Variants in SAMHD1 observed in about 807,000 individuals in gnomAD.
SAMHD1 encodes SAM and HD domain containing deoxynucleoside triphosphate triphosphohydrolase 1.
Under a neutral mutation model 79.6 loss-of-function variants are expected in SAMHD1, and 54 were observed. The ratio of observed to expected loss-of-function variants is 0.68; its 90% CI spans 0.55 to 0.85. SAMHD1 has a LOEUF of 0.85. Ranked by LOEUF, SAMHD1 falls within the 40% of genes least tolerant of loss-of-function variation. SAMHD1 has a pLI of 0.00. For missense variants in SAMHD1, 663 were observed against 782.7 expected (o/e 0.85, Z 1.82); for synonymous variants, 260 against 264.1 (o/e 0.98, Z 0.15).
At chr20:36,894,152 G>GT in intron 15 of SAMHD1, 1 of 391,990 alleles carries the variant, frequency 2.6e-6, no homozygotes, top group Non-Finnish European at 4.5e-6. Flanking sequence ...CAAAACTTTT[G>GT]TATCTCACCC....
intron 2 of SAMHD1, among the ~76,000 whole-genome samples, chr20:36,943,645 A>G (rs966501408): frequency 6.6e-6 from 1 of 152,234 alleles, no homozygotes; most frequent in Non-Finnish European, 1.5e-5. Context: ...ACTTGGGTCC[A>G]CAAACATGCA....
At chr20:36,903,270 C>T (rs368650600) in intron 13 of SAMHD1, among the ~76,000 whole-genome samples, 2 of 152,048 alleles carry the variant, frequency 1.3e-5, no homozygotes, top group Admixed American at 6.6e-5. Flanking sequence ...AGTGCTGTCT[C>T]GCTCTGTTGC....
At chr20:36,903,588 T>C (rs2063388580) in intron 13 of SAMHD1, among the ~76,000 whole-genome samples, 1 of 141,478 alleles carries the variant, frequency 7.1e-6, no homozygotes, top group South Asian at 2.2e-4. Flanking sequence ...CTTACTCTGC[T>C]GCCCAGGCTG....
At chr20:36,905,080 G>T in intron 12 of SAMHD1, 1 of 403,472 alleles carries the variant, frequency 2.5e-6, no homozygotes, top group Admixed American at 3.8e-5. Context: ...CAAAATTGGA[G>T]ACCCACTCTC....
Position 36,911,340 on chromosome 20 carries a change from A to T in SAMHD1, c.1155-7T>A. Reference sequence around the variant, plus strand: ...GAGGAAAGCATCTGTAATCCTAAAAATCATTTTGCAAAAATTTATGTTTAT... The same window carrying T: ...GAGGAAAGCATCTGTAATCCTAAAATTCATTTTGCAAAAATTTATGTTTAT... On this transcript the variant is annotated splice_polypyrimidine_tract_variant and splice_region_variant and intron_variant, in intron 10 of 15. Transcript: ENST00000646673. 6.4e-7 allele frequency: 1 copy of T among 1,572,990 alleles called. No homozygotes were observed. The highest frequency in any genetic ancestry group is 8.7e-7 in the Non-Finnish European group (1 of 1,146,250).
rs1212579119 is a variant in SAMHD1, at chr20:36,892,322, A to C, written c.*610T>G. ...GGGGAGGTGTCTTTCACTTATGCTT[A>C]GGTCACTCTTAGAGGACTATCCTCA... On this transcript the variant is annotated 3_prime_UTR_variant, in exon 16 of 16. Transcript: ENST00000646673. 6.1e-6 allele frequency: 1 copy of C among 162,650 alleles called. No individual in the cohort carries two copies. The highest frequency in any genetic ancestry group is 1.8e-4 in the East Asian group (1 of 5,582). 10.1% of individuals were successfully genotyped at this position (162,650 alleles called of 1,614,324 possible).
intron 6 of SAMHD1, among the ~76,000 whole-genome samples, chr20:36,920,541 C>T (rs1180545820): frequency 1.3e-5 from 2 of 151,198 alleles, no homozygotes; most frequent in African/African-American, 2.4e-5. Context: ...CCGAGGTGGG[C>T]GGATCACTTG....
intron 15 of SAMHD1, among the ~76,000 whole-genome samples, chr20:36,895,846 A>T (rs1990187450): frequency 6.6e-6 from 1 of 152,050 alleles, no homozygotes; most frequent in Admixed American, 6.6e-5. Flanking sequence ...GAAAATATGA[A>T]GGGGGAAAAA....
chr20:36,951,361 G>A (rs923342855), intron 1 of SAMHD1, 75 bp downstream of exon 1: 44 of 1,595,086 alleles, frequency 2.8e-5, no homozygotes, highest in Non-Finnish European at 3.2e-5. Context: ...CTCTCGTGGG[G>A]CCCCCTCCCT....
chr20:36,902,729 C>T (rs977931873), intron 13 of SAMHD1, among the ~76,000 whole-genome samples: 14 of 151,462 alleles, frequency 9.2e-5, no homozygotes, highest in Non-Finnish European at 1.6e-4. Context: ...TACTGTATCA[C>T]GTTATCTAAG....
chr20:36,951,502 C>T lies in SAMHD1; in HGVS notation c.142G>A (p.Glu48Lys). 3.1e-6 allele frequency: 5 copies of T among 1,614,158 alleles called. No homozygotes were observed. Among genetic ancestry groups the T allele is most frequent in the South Asian group, 1.1e-5 (1 of 91,090 alleles). Residue 48 changes from glutamate (E) to lysine (K), a missense_variant, in exon 1 of 16, where the codon GAG becomes AAG. Coordinates refer to ENST00000646673, the MANE Select transcript of SAMHD1 (RefSeq NM_015474.4). ...LHPDYKTWGPEQVCSFLRRGG... is the reference protein window; with the variant it reads ...LHPDYKTWGPKQVCSFLRRGG... ...CGCCTGAGGAAGGAGCACACCTGCT[C>T]CGGACCCCATGTCTTGTAGTCGGGA...
rs553778054 is a variant in SAMHD1 at position 36,904,692 on chromosome 20, G to T, written c.1411-443C>A. On this transcript the variant is annotated intron_variant, in intron 12 of 15. Transcript: ENST00000646673. ...AGATCGCGCCACTGCACTCTAACCT[G>T]GGTGACAGAGCGAGACTCTGTCTAA... 89 of 204,702 alleles carry T rather than the reference G, an allele frequency of 4.3e-4. 1 individual carries two copies. Among genetic ancestry groups the T allele is most frequent in the Middle Eastern group, 2.1e-3 (1 of 482 alleles). 12.7% of individuals were successfully genotyped at this position (204,702 alleles called of 1,614,324 possible).
At position 36,904,416 on chromosome 20, in the gene SAMHD1, T is replaced by G. The variant is rs911153935; in HGVS notation, c.1411-167A>C. ...CACTCGTTAAACAAAGAGAGCATTT[T>G]TGTAAAAAATTGTAAAAAGTGGCCA... On this transcript the variant is annotated intron_variant, in intron 12 of 15. Coordinates refer to ENST00000646673, the MANE Select transcript of SAMHD1 (RefSeq NM_015474.4). 2.7e-5 allele frequency: 17 copies of G among 622,826 alleles called. No individual in the cohort carries two copies. In the Admixed American group the frequency reaches 4.4e-4, roughly 16 times the overall value. 38.6% of individuals were successfully genotyped at this position (622,826 alleles called of 1,614,324 possible).
chr20:36,919,884 GCT>G (rs2146119992), intron 6 of SAMHD1, among the ~76,000 whole-genome samples: 1 of 152,056 alleles, frequency 6.6e-6, no homozygotes, highest in East Asian at 1.9e-4. Flanking sequence ...GCAGTTATAA[GCT>G]CTGTTAGGCA....
chr20:36,893,780 C>G (rs1990138925), intron 15 of SAMHD1: 3 of 397,164 alleles, frequency 7.6e-6, no homozygotes, highest in African/African-American at 6.2e-5. Flanking sequence ...GATTCGTGCT[C>G]CTCATCTGCT....
Position 36,892,685 on chromosome 20 carries a change from T to C in SAMHD1, c.*247A>G, listed in dbSNP as rs1360736887. The C allele has an allele frequency of 7.2e-6, 4 of 555,108 alleles. No individual in the cohort carries two copies. In the Admixed American group the frequency reaches 9.2e-5, roughly 13 times the overall value. 34.4% of individuals were successfully genotyped at this position (555,108 alleles called of 1,614,324 possible). A position where few individuals can be genotyped will look rare whatever the true frequency, so the allele number is the denominator to read the frequency against. On this transcript the variant is annotated 3_prime_UTR_variant, in exon 16 of 16. Coordinates refer to ENST00000646673, the MANE Select transcript of SAMHD1 (RefSeq NM_015474.4). ...TAAAAGAGTTGTTATTCTAAGAAAA[T>C]AGACTACTGAAGGAGAAAGGCTTTA...
At chr20:36,946,906 C>A (rs1384526002) in intron 1 of SAMHD1, 102 bp from the exon 2 acceptor site, 5 of 864,782 alleles carry the variant, frequency 5.8e-6, no homozygotes, top group Non-Finnish European at 9.4e-6. Context: ...TAAGTGAGTA[C>A]CCACTGCAGG....
At chr20:36,922,011 T>G (rs957962650) in intron 6 of SAMHD1, among the ~76,000 whole-genome samples, 1 of 152,150 alleles carries the variant, frequency 6.6e-6, no homozygotes, top group African/African-American at 2.4e-5. Context: ...TTTTGTGGCA[T>G]TCTACCAAAA....
At chr20:36,917,202 A>C (rs1322778952) in intron 7 of SAMHD1, 153 bp from the exon 8 acceptor site, 3 of 652,468 alleles carry the variant, frequency 4.6e-6, no homozygotes, top group East Asian at 5.5e-5. Context: ...TCTTTCTTCC[A>C]CTTCATTTCA....
Sources: gnomAD v4.1 joint callset for allele counts (sites outside exome capture counted in the v4.1 genomes callset) on GRCh38, gnomAD v4.1.1 for gene constraint, MANE v1.5 for transcripts, NCBI Gene and HGNC (gene_info 2026-07-23, HGNC 2026-07-21) for gene names.